The following SORCS1 variants were observed in gnomAD, a reference collection of about 807,000 sequenced individuals.
SORCS1 encodes VPS10 domain-containing receptor SorCS1.
A neutral mutation model predicts 146.1 loss-of-function variants in SORCS1; 60 were observed. The ratio of observed to expected loss-of-function variants is 0.41; its 90% CI spans 0.33 to 0.51. SORCS1 has a LOEUF of 0.51. Ranked by LOEUF, SORCS1 falls within the 20% of genes least tolerant of loss-of-function variation. The pLI is 0.21. For synonymous variants in SORCS1, 637 were observed against 584.0 expected, an observed-to-expected ratio of 1.09 and a Z score of -1.31; for missense variants, 1,352 against 1,487.6, an observed-to-expected ratio of 0.91 and a Z score of 1.50.
intron 18 of SORCS1, among the ~76,000 whole-genome samples, chr10:106,636,856 G>A (rs186614320): frequency 2.0e-5 from 3 of 152,296 alleles, no homozygotes; most frequent in South Asian, 2.1e-4. Flanking sequence ...CTTACAACTC[G>A]TTCACAGAAA....
At chr10:106,786,944 T>C (rs114361266) in intron 3 of SORCS1, among the ~76,000 whole-genome samples, 1,580 of 152,278 alleles carry the variant, frequency 0.01, 25 homozygotes, top group African/African-American at 0.035. Context: ...AGTGTATTTA[T>C]TGAAGACCAA....
intron 1 of SORCS1, among the ~76,000 whole-genome samples, chr10:107,080,294 C>G (rs1186527647): frequency 9.9e-5 from 15 of 152,076 alleles, no homozygotes; most frequent in African/African-American, 3.6e-4. Flanking sequence ...TGTTATGTTC[C>G]CCTGCATTAA....
chr10:106,941,038 G>A (rs773832418), intron 2 of SORCS1, among the ~76,000 whole-genome samples: 31 of 152,258 alleles, frequency 2.0e-4, no homozygotes, highest in Middle Eastern at 3.4e-3. Context: ...TTATGACCCT[G>A]TTCGGGTTAC....
chr10:107,083,187 A>G (rs1963476596), intron 1 of SORCS1, among the ~76,000 whole-genome samples: 1 of 151,920 alleles, frequency 6.6e-6, no homozygotes, highest in Admixed American at 6.6e-5. Flanking sequence ...TTATCAAAGG[A>G]AAGGTAACAA....
At chr10:107,178,794 C>CT in the SORCS1 span, among the ~76,000 whole-genome samples, 5 of 152,004 alleles carry the variant, frequency 3.3e-5, no homozygotes, top group East Asian at 3.9e-4. Flanking sequence ...GTCTTTGATT[C>CT]TTTTTTTATG....
chr10:106,705,172 T>C (rs1854428926), intron 8 of SORCS1, among the ~76,000 whole-genome samples: 1 of 152,120 alleles, frequency 6.6e-6, no homozygotes, highest in Non-Finnish European at 1.5e-5. Context: ...CAGACATACA[T>C]ACAGTTCTGG....
chr10:106,804,338 GAAAATAAAATAAAATAAAATAAAAT>G (rs374338257), intron 3 of SORCS1, among the ~76,000 whole-genome samples: 5 of 138,300 alleles, frequency 3.6e-5, no homozygotes, highest in Non-Finnish European at 7.7e-5. Flanking sequence ...TTTCCGAAGA[GAAAATAAAATAAAATAAAATAAAAT>G]AAAATAAAAT....
intron 1 of SORCS1, among the ~76,000 whole-genome samples, chr10:107,077,864 G>A (rs896488917): frequency 2.0e-5 from 3 of 152,096 alleles, no homozygotes; most frequent in African/African-American, 4.8e-5. Context: ...GAAAAGAAGG[G>A]GGCATTTAGG....
intron 1 of SORCS1, among the ~76,000 whole-genome samples, chr10:107,127,756 T>C (rs1475058538): frequency 1.3e-5 from 2 of 152,212 alleles, no homozygotes; most frequent in Non-Finnish European, 2.9e-5. Flanking sequence ...CCTTACCAGA[T>C]TTCTTCCACC....
intron 18 of SORCS1, among the ~76,000 whole-genome samples, chr10:106,644,325 T>C (rs2133699576): frequency 6.6e-6 from 1 of 152,068 alleles, no homozygotes; most frequent in East Asian, 1.9e-4. Context: ...GCCTCCAAAG[T>C]TAACAATAAT....
intron 18 of SORCS1, among the ~76,000 whole-genome samples, chr10:106,648,249 T>C (rs1168670788): frequency 6.6e-6 from 1 of 152,168 alleles, no homozygotes; most frequent in African/African-American, 2.4e-5. Context: ...TGAAACCCTT[T>C]TAAAGTTACT....
At chr10:106,959,065 C>T (rs1955098292) in intron 1 of SORCS1, among the ~76,000 whole-genome samples, 1 of 152,174 alleles carries the variant, frequency 6.6e-6, no homozygotes, top group Non-Finnish European at 1.5e-5. Flanking sequence ...TGAGGGAATT[C>T]AAAGGTGCCC....
At chr10:106,885,190 A>G (rs1481140443) in intron 2 of SORCS1, among the ~76,000 whole-genome samples, 1 of 151,884 alleles carries the variant, frequency 6.6e-6, no homozygotes, top group Non-Finnish European at 1.5e-5. Flanking sequence ...TACAATAATC[A>G]TATAATTTTT....
chr10:106,897,706 TA>T (rs368039491), intron 2 of SORCS1, among the ~76,000 whole-genome samples: 104 of 144,662 alleles, frequency 7.2e-4, no homozygotes, highest in African/African-American at 1.2e-3. Flanking sequence ...TCTCTATCAC[TA>T]AAAAAAAAAA....
intron 24 of SORCS1, among the ~76,000 whole-genome samples, chr10:106,582,110 T>TATGC (rs1308371286): frequency 6.6e-6 from 1 of 151,042 alleles, no homozygotes; most frequent in African/African-American, 2.4e-5. Flanking sequence ...CAAACTCGCA[T>TATGC]ATGCATGCAT....
At chr10:107,055,769 T>C (rs1228068574) in intron 1 of SORCS1, among the ~76,000 whole-genome samples, 3 of 152,018 alleles carry the variant, frequency 2.0e-5, no homozygotes, top group South Asian at 2.1e-4. Context: ...TCTTCAGAAA[T>C]AGAGACGAGA....
At chr10:106,910,303 G>GTA (rs1434217660) in intron 2 of SORCS1, among the ~76,000 whole-genome samples, 4 of 132,818 alleles carry the variant, frequency 3.0e-5, no homozygotes, top group African/African-American at 6.8e-5. Context: ...GTGTGTGTGT[G>GTA]TGTGTGTGTG....
intron 5 of SORCS1, among the ~76,000 whole-genome samples, chr10:106,733,103 A>G (rs1856715258): frequency 1.7e-5 from 2 of 118,284 alleles, no homozygotes; most frequent in Non-Finnish European, 3.6e-5. Flanking sequence ...GTGATACTCC[A>G]TTTCAAAAAA....
intron 24 of SORCS1, among the ~76,000 whole-genome samples, chr10:106,580,078 AGTT>A (rs1474576610): frequency 6.6e-6 from 1 of 152,188 alleles, no homozygotes; most frequent in Non-Finnish European, 1.5e-5. Context: ...CTACTCCAGT[AGTT>A]GTCATGTGAG....
Sources: gnomAD v4.1 joint callset for allele counts (sites outside exome capture counted in the v4.1 genomes callset) on GRCh38, gnomAD v4.1.1 for gene constraint, MANE v1.5 for transcripts, NCBI Gene and HGNC (gene_info 2026-07-23, HGNC 2026-07-21) for gene names.